The following TAS2R1 variants were observed in gnomAD, a reference collection of about 807,000 sequenced individuals.
TAS2R1 encodes the protein taste 2 receptor member 1.
For synonymous variants in TAS2R1, 141 were observed against 134.2 expected, an observed-to-expected ratio of 1.05 and a Z score of -0.35; for missense variants, 370 against 353.4, an observed-to-expected ratio of 1.05 and a Z score of -0.38.
At chr5:9,700,734 G>A (rs1741462296) in intron 1 of TAS2R1, among the ~76,000 whole-genome samples, 1 of 149,580 alleles carries the variant, frequency 6.7e-6, no homozygotes, top group African/African-American at 2.5e-5. Flanking sequence ...TGTTTTCTCT[G>A]TGGACTCTCT....
chr5:9,764,988 A>AT, the TAS2R1 span, among the ~76,000 whole-genome samples: 1 of 152,212 alleles, frequency 6.6e-6, no homozygotes, highest in Non-Finnish European at 1.5e-5. Flanking sequence ...ACATCAAGTG[A>AT]TAAAAAGTAG....
At chr5:9,685,413 A>T (rs1741105892) in intron 1 of TAS2R1, among the ~76,000 whole-genome samples, 1 of 152,148 alleles carries the variant, frequency 6.6e-6, no homozygotes, top group Non-Finnish European at 1.5e-5. Flanking sequence ...TATAATTACA[A>T]ATACTTATAA....
chr5:9,756,486 G>T, the TAS2R1 span, among the ~76,000 whole-genome samples: 118 of 152,188 alleles, frequency 7.8e-4, no homozygotes, highest in Middle Eastern at 0.017. Flanking sequence ...TCATAACATT[G>T]TACCTCTACA....
the TAS2R1 span, among the ~76,000 whole-genome samples, chr5:9,746,734 G>C: frequency 7.9e-5 from 12 of 152,292 alleles, no homozygotes; most frequent in East Asian, 2.1e-3. Flanking sequence ...CATGGACACA[G>C]GGAGGGGAAC....
chr5:9,783,822 C>T, the TAS2R1 span, among the ~76,000 whole-genome samples: 1 of 152,130 alleles, frequency 6.6e-6, no homozygotes, highest in African/African-American at 2.4e-5. Flanking sequence ...AGAACTTGTG[C>T]ACAGTTAATG....
the TAS2R1 span, among the ~76,000 whole-genome samples, chr5:9,889,453 C>T: frequency 6.6e-6 from 1 of 152,144 alleles, no homozygotes; most frequent in Non-Finnish European, 1.5e-5. Flanking sequence ...CTAAAAATAC[C>T]TTTTGGGCTG....
At chr5:9,892,711 C>A in the TAS2R1 span, among the ~76,000 whole-genome samples, 1 of 152,164 alleles carries the variant, frequency 6.6e-6, no homozygotes, top group African/African-American at 2.4e-5. Context: ...TGCGGAAAAG[C>A]GCCTCTTATG....
chr5:9,798,697 G>A, the TAS2R1 span, among the ~76,000 whole-genome samples: 1 of 152,188 alleles, frequency 6.6e-6, no homozygotes, highest in African/African-American at 2.4e-5. Flanking sequence ...CTTAACTCAT[G>A]AGCCTGGGTC....
chr5:9,874,083 G>T, the TAS2R1 span, among the ~76,000 whole-genome samples: 1 of 151,884 alleles, frequency 6.6e-6, no homozygotes, highest in Non-Finnish European at 1.5e-5. Context: ...TTTATTTTAG[G>T]ACATCAAATA....
chr5:9,902,140 T>C, the TAS2R1 span, among the ~76,000 whole-genome samples: 3 of 152,202 alleles, frequency 2.0e-5, no homozygotes, highest in South Asian at 2.1e-4. Context: ...CTCTTAAACA[T>C]AGTGTGTCAT....
At chr5:9,720,663 T>C in the TAS2R1 span, among the ~76,000 whole-genome samples, 5 of 152,304 alleles carry the variant, frequency 3.3e-5, no homozygotes, top group Admixed American at 3.3e-4. Flanking sequence ...ACTTGGAAAC[T>C]GTTTCAACCT....
the TAS2R1 span, among the ~76,000 whole-genome samples, chr5:9,846,389 A>G: frequency 6.6e-6 from 1 of 152,166 alleles, no homozygotes. Flanking sequence ...AATGTTCTAC[A>G]CACTGGACAA....
chr5:9,820,863 C>G, the TAS2R1 span, among the ~76,000 whole-genome samples: 3 of 152,192 alleles, frequency 2.0e-5, no homozygotes, highest in African/African-American at 7.2e-5. Context: ...CCCAGGCCAC[C>G]CTTCCAGGAC....
the TAS2R1 span, among the ~76,000 whole-genome samples, chr5:9,814,612 A>C: frequency 6.6e-6 from 1 of 152,326 alleles, no homozygotes. Context: ...TCTTTATTCT[A>C]GAATGAAGGG....
intron 1 of TAS2R1, among the ~76,000 whole-genome samples, chr5:9,668,050 C>A (rs1045814372): frequency 9.9e-5 from 15 of 152,060 alleles, no homozygotes; most frequent in African/African-American, 3.4e-4. Flanking sequence ...AGATAAAAAA[C>A]AAAATGGCCA....
At chr5:9,665,892 C>G (rs922992293) in intron 1 of TAS2R1, among the ~76,000 whole-genome samples, 1 of 152,164 alleles carries the variant, frequency 6.6e-6, no homozygotes, top group Non-Finnish European at 1.5e-5. Context: ...TAATTCACAA[C>G]GTTTTAAAAG....
chr5:9,672,732 A>C (rs1398257908), intron 1 of TAS2R1, among the ~76,000 whole-genome samples: 1 of 152,184 alleles, frequency 6.6e-6, no homozygotes, highest in Non-Finnish European at 1.5e-5. Flanking sequence ...GTGATTTTTC[A>C]AAGAACTTAT....
At chr5:9,798,354 A>G in the TAS2R1 span, among the ~76,000 whole-genome samples, 1 of 152,210 alleles carries the variant, frequency 6.6e-6, no homozygotes. Context: ...AAAAAATTGA[A>G]TTGTATACTT....
chr5:9,776,102 T>C, the TAS2R1 span, among the ~76,000 whole-genome samples: 1 of 152,206 alleles, frequency 6.6e-6, no homozygotes, highest in Non-Finnish European at 1.5e-5. Flanking sequence ...GCAAGGCTTG[T>C]TGGAACTCGG....
Sources: gnomAD v4.1 joint callset for allele counts (sites outside exome capture counted in the v4.1 genomes callset) on GRCh38, gnomAD v4.1.1 for gene constraint, MANE v1.5 for transcripts, NCBI Gene and HGNC (gene_info 2026-07-23, HGNC 2026-07-21) for gene names.